The following PHF12 variants were observed in gnomAD, a reference collection of about 807,000 sequenced individuals.
PHF12 encodes the protein PHD factor 1.
Under a neutral mutation model 99.8 loss-of-function variants are expected in PHF12, and 6 were observed. The ratio of observed to expected loss-of-function variants is 0.06; its 90% CI spans 0.03 to 0.12. PHF12 has a LOEUF of 0.12. Among genes scored for constraint, PHF12 ranks in the 10% least tolerant of loss-of-function variants. PHF12 has a pLI of 1.00. For synonymous variants in PHF12, 480 were observed against 514.9 expected (o/e 0.93, Z 0.92); for missense variants, 954 against 1,300.1 (o/e 0.73, Z 4.09).
intron 6 of PHF12, among the ~76,000 whole-genome samples, chr17:28,917,991 G>C (rs1444878242): frequency 6.6e-6 from 1 of 152,178 alleles, no homozygotes; most frequent in African/African-American, 2.4e-5. Flanking sequence ...AACCCATCTT[G>C]ATATCAGTCT....
In PHF12 at chr17:28,950,758, G is replaced by A. The variant is rs556156052; in HGVS notation, c.66+137C>T. ...TCAGCCCCCTAAATTGCAAAGAGGG[G>A]AGGGAGAGGCTAGGTGAGGAAGAAT... On this transcript the variant is annotated intron_variant, in intron 1 of 14. Transcript: ENST00000332830. The surrounding 1 kb of genome is among the most constrained non-coding windows in gnomAD (Gnocchi z 5.7). 106 of 1,288,862 alleles carry A rather than the reference G, an allele frequency of 8.2e-5. 1 individual carries two copies. In the African/African-American group the frequency reaches 1.4e-3, roughly 17 times the overall value. The allele number at this position is 1,288,862 out of a possible 1,614,324, so 79.8% of individuals were successfully genotyped here.
chr17:28,924,030 C>T lies in PHF12; in HGVS notation c.594G>A (p.Glu198=), dbSNP rs2040219636. The T allele has an allele frequency of 6.2e-7, 1 of 1,614,174 alleles. No homozygotes were observed. The highest frequency in any genetic ancestry group is 1.3e-5 in the African/African-American group (1 of 75,034). Residue 198 remains glutamate, a synonymous_variant, in exon 4 of 15, where the codon GAG becomes GAA. Coordinates refer to ENST00000332830, the MANE Select transcript of PHF12 (RefSeq NM_001033561.2). ...TCAGCTGGGGCTGCACATAGTCTGG[C>T]TCCGCTGCTACTGGTTCCTCATCCA... The part of the protein sequence containing the change: ...IDVDEEPVAA[E]PDYVQPQLRR...
chr17:28,934,467 C>T (rs1005870120), intron 2 of PHF12, among the ~76,000 whole-genome samples: 17 of 152,146 alleles, frequency 1.1e-4, no homozygotes, highest in African/African-American at 4.1e-4. Context: ...GTTTCAGAAG[C>T]AGGTATATTT....
At chr17:28,918,678 C>T (rs2040103849) in intron 6 of PHF12, among the ~76,000 whole-genome samples, 1 of 152,212 alleles carries the variant, frequency 6.6e-6, no homozygotes, top group Non-Finnish European at 1.5e-5. Context: ...TAGCAAGTGA[C>T]AGCTCTTTTC....
intron 2 of PHF12, among the ~76,000 whole-genome samples, chr17:28,927,481 C>G (rs970817527): frequency 6.6e-6 from 1 of 152,162 alleles, no homozygotes; most frequent in Admixed American, 6.5e-5. Flanking sequence ...CTATTTCTTC[C>G]TCTAGAATAC....
intron 3 of PHF12, chr17:28,925,295 C>T (rs1345200177): frequency 6.6e-6 from 1 of 152,150 alleles, no homozygotes; most frequent in African/African-American, 2.4e-5. Flanking sequence ...TCTCCTCCTC[C>T]TCTCAGGGAT....
At position 28,950,332 on chromosome 17, in the gene PHF12, AC is replaced by A; in HGVS notation, c.67-87del. The A allele has an allele frequency of 7.4e-7, 1 of 1,351,674 alleles. No homozygotes were observed. The highest frequency in any genetic ancestry group is 9.9e-7 in the Non-Finnish European group (1 of 1,006,388). 83.7% of individuals were successfully genotyped at this position (1,351,674 alleles called of 1,614,324 possible). ...CCCCGGCGCGGTTTCTCCGTCACCC[AC>A]CCCTCTCCCCCCTTTTGTCCTTCTT... On this transcript the variant is annotated intron_variant, in intron 1 of 14. Transcript: ENST00000332830. The surrounding 1 kb of genome is among the most constrained non-coding windows in gnomAD (Gnocchi z 5.7).
At chr17:28,940,444 A>G (rs2040592870) in intron 2 of PHF12, among the ~76,000 whole-genome samples, 1 of 152,228 alleles carries the variant, frequency 6.6e-6, no homozygotes, top group South Asian at 2.1e-4. Context: ...TGAAAATTGC[A>G]TCAATCTGCA....
At chr17:28,937,602 G>A (rs1167379521) in intron 2 of PHF12, among the ~76,000 whole-genome samples, 1 of 152,086 alleles carries the variant, frequency 6.6e-6, no homozygotes, top group Non-Finnish European at 1.5e-5. Flanking sequence ...AAGTTTTATC[G>A]CCTTCTATGT....
intron 2 of PHF12, among the ~76,000 whole-genome samples, chr17:28,946,573 C>T (rs997349923): frequency 6.6e-6 from 1 of 152,144 alleles, no homozygotes; most frequent in Admixed American, 6.5e-5. Context: ...TACTGGATTC[C>T]GTTCACAGTG....
At position 28,912,277 on chromosome 17, in the gene PHF12, G is replaced by A. The variant is rs570794196; in HGVS notation, c.2089+205C>T. 1.2e-4 allele frequency: 157 copies of A among 1,343,602 alleles called. No homozygotes were observed. The African/African-American group carries it at 2.2e-3, about 19-fold the overall frequency. The allele number at this position is 1,343,602 out of a possible 1,614,324, so 83.2% of individuals were successfully genotyped here. ...AGGTCATTTTAAGGAAATCACTGAA[G>A]CTTTCAGAGCCTAAGCAGTCCCATT... On this transcript the variant is annotated intron_variant, in intron 9 of 14. Transcript: ENST00000332830.
chr17:28,912,929 T>C lies in PHF12; in HGVS notation c.1642A>G (p.Asn548Asp). 1 of 1,614,202 alleles carries C rather than the reference T, an allele frequency of 6.2e-7. No homozygotes were observed. The highest frequency in any genetic ancestry group is 8.5e-7 in the Non-Finnish European group (1 of 1,180,030). ...GGGCTGCTGTAGAGGTGTGGGCCAT[T>C]AGCTTTCACCTCTGTGTTCACTGGC... ...NGPVNTEVKANGPHLYSSPTD... is the reference protein window; with the variant it reads ...NGPVNTEVKADGPHLYSSPTD... The change falls in exon 9 of 15, where the codon AAT becomes GAT. Residue 548 changes from asparagine (N) to aspartate (D), a missense_variant. Coordinates refer to ENST00000332830, the MANE Select transcript of PHF12 (RefSeq NM_001033561.2).
At chr17:28,908,681 G>A (rs1037788718) in intron 12 of PHF12, 102 bp downstream of exon 12, 3 of 1,138,478 alleles carry the variant, frequency 2.6e-6, no homozygotes, top group African/African-American at 3.1e-5. Context: ...AGTCAACTCT[G>A]GAAAGGGCTT....
rs755348508 is a variant in PHF12, at chr17:28,917,412, T to C, written c.1007A>G (p.Gln336Arg). ...QKNMTLSNRC[Q>R]VFDRFQDTVS... ...GGTGTCCTGGAAACGATCAAACACC[T>C]GGCACCGATTGCTCAGTGTCATATT... The change falls in exon 7 of 15, where the codon CAG becomes CGG. Residue 336 changes from glutamine (Q) to arginine (R), a missense_variant. Transcript: ENST00000332830. The C allele has an allele frequency of 5.0e-6, 8 of 1,613,504 alleles. No homozygotes were observed. Among genetic ancestry groups the C allele is most frequent in the African/African-American group, 1.3e-5 (1 of 74,918 alleles).
rs2039955155 is a variant in PHF12 at position 28,911,249 on chromosome 17, G to T, written c.2090-12C>A. The T allele has an allele frequency of 1.2e-6, 2 of 1,613,986 alleles. No individual in the cohort carries two copies. Among genetic ancestry groups the T allele is most frequent in the African/African-American group, 1.3e-5 (1 of 75,046 alleles). On this transcript the variant is annotated splice_polypyrimidine_tract_variant and intron_variant, in intron 9 of 14. Transcript: ENST00000332830. Reference sequence around the variant, plus strand: ...GCTGACCTTGCCATCTGGGGACGGAGCAGGAAGACTGTTACTTACGTCGCC... The same window carrying T: ...GCTGACCTTGCCATCTGGGGACGGATCAGGAAGACTGTTACTTACGTCGCC...
intron 12 of PHF12, 133 bp from the exon 13 acceptor site, chr17:28,907,805 A>C: frequency 1.5e-6 from 1 of 674,286 alleles, no homozygotes; most frequent in Non-Finnish European, 2.6e-6. Context: ...TGAGTAGCTC[A>C]GGGCCCTCCC....
At chr17:28,907,124 C>A in intron 13 of PHF12, 130 bp from the exon 14 acceptor site, 1 of 1,110,758 alleles carries the variant, frequency 9.0e-7, no homozygotes, top group Non-Finnish European at 1.3e-6. Flanking sequence ...CCAGTCATGG[C>A]CCCTGTCCTT....
At chr17:28,917,152 A>G (rs182705564) in intron 7 of PHF12, 133 bp downstream of exon 7, 3 of 1,195,152 alleles carry the variant, frequency 2.5e-6, no homozygotes, top group Non-Finnish European at 3.6e-6. Flanking sequence ...GGTCACACTC[A>G]TTACTCACGA....
intron 5 of PHF12, 59 bp from the exon 6 acceptor site, chr17:28,919,334 TTG>T: frequency 6.4e-7 from 1 of 1,571,694 alleles, no homozygotes; most frequent in Non-Finnish European, 8.7e-7. Flanking sequence ...CAAACTAACT[TTG>T]ACCTGTGGAA....
Sources: gnomAD v4.1 joint callset for allele counts (sites outside exome capture counted in the v4.1 genomes callset) on GRCh38, gnomAD v4.1.1 for gene constraint, Gnocchi (gnomAD v3.1) non-coding constraint, MANE v1.5 for transcripts, NCBI Gene and HGNC (gene_info 2026-07-23, HGNC 2026-07-21) for gene names.